Variants in MOB3B observed in about 807,000 individuals in gnomAD.
MOB3B encodes MOB kinase activator 3B, also known as MOB kinase activator-like 2B.
MOB3B carries 7 observed loss-of-function variants against 18.7 expected under a neutral mutation model. The ratio of observed to expected loss-of-function variants is 0.37; its 90% CI spans 0.21 to 0.70. The LOEUF is 0.70. Among genes scored for constraint, MOB3B ranks in the 30% least tolerant of loss-of-function variants. The pLI is 0.52. For synonymous variants in MOB3B, 111 were observed against 99.9 expected (o/e 1.11, Z -0.66); for missense variants, 253 against 281.3 (o/e 0.90, Z 0.72).
chr9:27,342,545 T>G (rs540544568), intron 3 of MOB3B, among the ~76,000 whole-genome samples: 102 of 151,792 alleles, frequency 6.7e-4, no homozygotes, highest in Admixed American at 5.9e-4. Context: ...TGCCGCCATC[T>G]TGGCTCACCG....
At chr9:27,352,017 CA>C (rs1425186805) in intron 3 of MOB3B, among the ~76,000 whole-genome samples, 2 of 152,126 alleles carry the variant, frequency 1.3e-5, no homozygotes, top group Admixed American at 1.3e-4. Flanking sequence ...TTTGGTGTGA[CA>C]AAATGGCAGT....
At chr9:27,384,889 G>T (rs180700587) in intron 2 of MOB3B, among the ~76,000 whole-genome samples, 1 of 152,284 alleles carries the variant, frequency 6.6e-6, no homozygotes, top group East Asian at 1.9e-4. Context: ...GCTGAGCCTG[G>T]TCCTTGCCCA....
intron 2 of MOB3B, among the ~76,000 whole-genome samples, chr9:27,450,598 C>G (rs12377254): frequency 0.13 from 19,197 of 152,114 alleles, 1,289 homozygotes; most frequent in African/African-American, 0.17. Context: ...TTTTCTCCAT[C>G]CTAAACAACC....
At chr9:27,449,954 G>C (rs1244048104) in intron 2 of MOB3B, among the ~76,000 whole-genome samples, 1 of 150,748 alleles carries the variant, frequency 6.6e-6, no homozygotes, top group African/African-American at 2.4e-5. Flanking sequence ...CTCCAGCCTG[G>C]GCAACAGAGC....
At chr9:27,485,459 T>C (rs1819718208) in intron 1 of MOB3B, among the ~76,000 whole-genome samples, 1 of 152,220 alleles carries the variant, frequency 6.6e-6, no homozygotes, top group Non-Finnish European at 1.5e-5. Context: ...GAGCTACATC[T>C]GTCTCCCAAT....
intron 1 of MOB3B, among the ~76,000 whole-genome samples, chr9:27,528,575 CT>C (rs1431852588): frequency 6.6e-6 from 1 of 152,242 alleles, no homozygotes; most frequent in African/African-American, 2.4e-5. Context: ...ACTTTCCCAG[CT>C]GGGATCCCCT....
chr9:27,373,195 A>C (rs1210250136), intron 2 of MOB3B, among the ~76,000 whole-genome samples: 1 of 152,178 alleles, frequency 6.6e-6, no homozygotes, highest in African/African-American at 2.4e-5. Context: ...AAGCACTTCA[A>C]GATGGCAACA....
chr9:27,426,252 G>T (rs1822327404), intron 2 of MOB3B, among the ~76,000 whole-genome samples: 1 of 152,150 alleles, frequency 6.6e-6, no homozygotes, highest in Admixed American at 6.5e-5. Flanking sequence ...TATAAATAAA[G>T]TCATGTACAT....
At chr9:27,395,375 A>T (rs11791678) in intron 2 of MOB3B, among the ~76,000 whole-genome samples, 13,066 of 152,228 alleles carry the variant, frequency 0.086, 620 homozygotes, top group South Asian at 0.12. Context: ...CCACGATGTA[A>T]ACATATATCA....
chr9:27,367,696 C>T (rs376260734), intron 2 of MOB3B, among the ~76,000 whole-genome samples: 1 of 152,262 alleles, frequency 6.6e-6, no homozygotes, highest in African/African-American at 2.4e-5. Flanking sequence ...GAAGACGGCT[C>T]TTCTGAATCA....
chr9:27,522,114 T>G (rs1251162313), intron 1 of MOB3B, among the ~76,000 whole-genome samples: 2 of 150,888 alleles, frequency 1.3e-5, no homozygotes, highest in African/African-American at 4.9e-5. Flanking sequence ...TGGTGACGCG[T>G]GCCTGTAATC....
rs1025251852 is a variant in MOB3B at position 27,327,548 on chromosome 9, C to G, written c.*3039G>C. 1 of 151,898 alleles carries G rather than the reference C, an allele frequency of 6.6e-6. No individual in the cohort carries two copies. The highest frequency in any genetic ancestry group is 1.5e-5 in the Non-Finnish European group (1 of 67,980). The allele number at this position is 151,898 out of a possible 1,614,324, so 9.4% of individuals were successfully genotyped here. A position where few individuals can be genotyped will look rare whatever the true frequency, so the allele number is the denominator to read the frequency against. ...AATAATGTCAGTGTCATGAAAGACACACCACACACACACACACTGCACATC... is the reference window on the plus strand; with the variant it reads ...AATAATGTCAGTGTCATGAAAGACAGACCACACACACACACACTGCACATC... On this transcript the variant is annotated 3_prime_UTR_variant, in exon 4 of 4. Coordinates refer to ENST00000262244, the MANE Select transcript of MOB3B (RefSeq NM_024761.5).
intron 1 of MOB3B, among the ~76,000 whole-genome samples, chr9:27,528,737 C>G (rs888755020): frequency 6.6e-6 from 1 of 152,050 alleles, no homozygotes; most frequent in East Asian, 1.9e-4. Flanking sequence ...GTAGAGAGAT[C>G]TCTGTGGGGA....
intron 1 of MOB3B, among the ~76,000 whole-genome samples, chr9:27,472,536 C>G (rs2131468321): frequency 6.6e-6 from 1 of 152,204 alleles, no homozygotes; most frequent in Middle Eastern, 3.4e-3. Context: ...TGGATTTCCT[C>G]TATTTGGTCT....
In MOB3B at chr9:27,455,095, C is replaced by T. The variant is rs750719362; in HGVS notation, c.418+38G>A. Reference sequence around the variant, plus strand: ...GCAAATTTTCATAGTGAAGATTGTGCAGGTGACAAAAAAACTGAGAGCTGG... The same window carrying T: ...GCAAATTTTCATAGTGAAGATTGTGTAGGTGACAAAAAAACTGAGAGCTGG... On this transcript the variant is annotated intron_variant, in intron 2 of 3. Transcript: ENST00000262244. 1.1e-5 allele frequency: 17 copies of T among 1,610,814 alleles called. No individual in the cohort carries two copies. In the Admixed American group the frequency reaches 2.8e-4, roughly 27 times the overall value.
intron 2 of MOB3B, 90 bp downstream of exon 2, chr9:27,455,043 G>T: frequency 7.5e-7 from 1 of 1,332,254 alleles, no homozygotes; most frequent in Non-Finnish European, 1.1e-6. Context: ...TAATGCATGG[G>T]TGCTACCTAG....
At chr9:27,476,046 A>G (rs1008848351) in intron 1 of MOB3B, among the ~76,000 whole-genome samples, 2 of 152,248 alleles carry the variant, frequency 1.3e-5, no homozygotes, top group Admixed American at 1.3e-4. Context: ...ATATTGGTTT[A>G]CAAAGTCATG....
intron 2 of MOB3B, among the ~76,000 whole-genome samples, chr9:27,438,858 G>T (rs1034365466): frequency 6.6e-6 from 1 of 152,078 alleles, no homozygotes; most frequent in African/African-American, 2.4e-5. Context: ...TCCTTGAGGG[G>T]TGACTGAGAA....
At chr9:27,458,187 TC>T (rs1819217231) in intron 1 of MOB3B, among the ~76,000 whole-genome samples, 2 of 152,152 alleles carry the variant, frequency 1.3e-5, no homozygotes, top group African/African-American at 4.8e-5. Context: ...ATGCCCACAG[TC>T]CTCAGAGCAA....
Sources: gnomAD v4.1 joint callset for allele counts (sites outside exome capture counted in the v4.1 genomes callset) on GRCh38, gnomAD v4.1.1 for gene constraint, MANE v1.5 for transcripts, NCBI Gene and HGNC (gene_info 2026-07-23, HGNC 2026-07-21) for gene names.